EMP2: variants seen among roughly 807,000 people sequenced by gnomAD.
EMP2 encodes epithelial membrane protein 2.
EMP2 carries 19 observed loss-of-function variants against 13.7 expected under a neutral mutation model. The observed-to-expected ratio is 1.38, with a 90% CI of 0.97 to 2.03. The LOEUF (loss-of-function observed/expected upper bound fraction) is 2.03, where lower values mean the gene tolerates loss of function less well. Among genes scored for constraint, EMP2 ranks in the 30% most tolerant of loss-of-function variants. The pLI is 0.00. For synonymous variants in EMP2, 97 were observed against 84.7 expected, an observed-to-expected ratio of 1.15 and a Z score of -0.80; for missense variants, 253 against 220.7, an observed-to-expected ratio of 1.15 and a Z score of -0.93.
At position 10,538,216 on chromosome 16, in the gene EMP2, G is replaced by A. The variant is rs936900670; in HGVS notation, c.170-142C>T. 4.0e-6 allele frequency: 4 copies of A among 1,002,714 alleles called. No homozygotes were observed. The African/African-American group carries it at 4.8e-5, about 12-fold the overall frequency. The allele number at this position is 1,002,714 out of a possible 1,614,324, so 62.1% of individuals were successfully genotyped here. ...TCAGGCGGTCGTCTACATGGTCTGAGCACAAGGGCAGCCAAGGCGTCTTCC... is the reference window on the plus strand; with the variant it reads ...TCAGGCGGTCGTCTACATGGTCTGAACACAAGGGCAGCCAAGGCGTCTTCC... On this transcript the variant is annotated intron_variant, in intron 3 of 4. Transcript: ENST00000359543.
chr16:10,572,035 T>A (rs1488703144), intron 1 of EMP2, among the ~76,000 whole-genome samples: 1 of 152,228 alleles, frequency 6.6e-6, no homozygotes, highest in Non-Finnish European at 1.5e-5. Flanking sequence ...GGCCACATTT[T>A]ACTCAAAACA....
intron 1 of EMP2, among the ~76,000 whole-genome samples, chr16:10,573,667 A>T (rs2050962931): frequency 6.6e-6 from 1 of 152,214 alleles, no homozygotes; most frequent in South Asian, 2.1e-4. Flanking sequence ...TTGGTTACAG[A>T]TAAGGCTTGA....
chr16:10,578,938 C>A (rs2142218142), intron 1 of EMP2, among the ~76,000 whole-genome samples: 1 of 152,384 alleles, frequency 6.6e-6, no homozygotes, highest in African/African-American at 2.4e-5. Context: ...TCATTCCCTG[C>A]AAACCAGCAG....
chr16:10,568,055 A>C (rs2050921060), intron 1 of EMP2, among the ~76,000 whole-genome samples: 1 of 152,224 alleles, frequency 6.6e-6, no homozygotes, highest in African/African-American at 2.4e-5. Context: ...AGGAAGACAG[A>C]CACAGAAAAC....
At chr16:10,579,711 C>CACACACACACACAA (rs1555461495) in intron 1 of EMP2, among the ~76,000 whole-genome samples, 148 of 34,168 alleles carry the variant, frequency 4.3e-3, no homozygotes, top group African/African-American at 7.3e-3. Context: ...TCAAGGTGCA[C>CACACACACACACAA]ACACACACAC....
In EMP2 at chr16:10,547,552, G is replaced by A. The variant is rs944326634; in HGVS notation, c.66C>T (p.Ala22=). The change falls in exon 2 of 5, where the codon GCC becomes GCT. Residue 22 remains alanine (A), a synonymous_variant. Coordinates refer to ENST00000359543, the MANE Select transcript of EMP2 (RefSeq NM_001424.6). ...HITSAALLFI[A]TVDNAWWVGD... ...AAAGGAAACTTACATTGTCGACGGT[G>A]GCAATGAACAGCAAGGCTGCAGAGG... 1 of 1,613,968 alleles carries A rather than the reference G, an allele frequency of 6.2e-7. No homozygotes were observed. Among genetic ancestry groups the A allele is most frequent in the East Asian group, 2.2e-5 (1 of 44,890 alleles).
At chr16:10,564,392 G>A (rs2050892995) in intron 1 of EMP2, among the ~76,000 whole-genome samples, 1 of 150,926 alleles carries the variant, frequency 6.6e-6, no homozygotes, top group South Asian at 2.1e-4. Flanking sequence ...TTGGGAGGCT[G>A]AGGCAGGAGA....
At chr16:10,556,015 C>G (rs773229305) in intron 1 of EMP2, among the ~76,000 whole-genome samples, 1 of 152,166 alleles carries the variant, frequency 6.6e-6, no homozygotes, top group African/African-American at 2.4e-5. Context: ...GGAAAAGTGT[C>G]TCTTTTTCAC....
intron 3 of EMP2, among the ~76,000 whole-genome samples, chr16:10,540,889 A>C (rs2050690614): frequency 6.6e-6 from 1 of 152,134 alleles, no homozygotes; most frequent in Admixed American, 6.6e-5. Context: ...GGAGTTCAAG[A>C]CCAGCATGGG....
At position 10,552,461 on chromosome 16, in the gene EMP2, G is replaced by C. The variant is rs76521341; in HGVS notation, c.-60-4784C>G. Among the ~76,000 whole-genome samples the C allele has an allele frequency of 1.2e-3, 183 of 152,298 alleles. 2 individuals carry two copies. The highest frequency in any genetic ancestry group is 4.1e-3 in the African/African-American group (169 of 41,556). ...CAACATTGAACCACATGGTGAAAAAGTTCCCATTCCAATCCTACTGAGTTC... is the reference window on the plus strand; with the variant it reads ...CAACATTGAACCACATGGTGAAAAACTTCCCATTCCAATCCTACTGAGTTC... On this transcript the variant is annotated intron_variant, in intron 1 of 4. Transcript: ENST00000359543.
rs1202221606 is a variant in EMP2, at chr16:10,532,292, C to A, written c.*613G>T. 1 of 154,004 alleles carries A rather than the reference C, an allele frequency of 6.5e-6. No individual in the cohort carries two copies. Among genetic ancestry groups the A allele is most frequent in the East Asian group, 1.9e-4 (1 of 5,196 alleles). The allele number at this position is 154,004 out of a possible 1,614,324, so 9.5% of individuals were successfully genotyped here. On this transcript the variant is annotated 3_prime_UTR_variant, in exon 5 of 5. Coordinates refer to ENST00000359543, the MANE Select transcript of EMP2 (RefSeq NM_001424.6). ...CCATTCCTAAGGCAAGCAGGTGACA[C>A]TGTCGGCAAATTGAGGTGAGACTTT... is the stretch of plus-strand genomic sequence containing the variant.
intron 4 of EMP2, among the ~76,000 whole-genome samples, chr16:10,537,174 T>C (rs919348918): frequency 1.6e-4 from 25 of 152,210 alleles, no homozygotes; most frequent in African/African-American, 6.0e-4. Flanking sequence ...TTCTGTATTT[T>C]GTCATCAGAA....
At chr16:10,557,290 G>A (rs2050837088) in intron 1 of EMP2, among the ~76,000 whole-genome samples, 1 of 150,880 alleles carries the variant, frequency 6.6e-6, no homozygotes, top group Admixed American at 6.6e-5. Flanking sequence ...CCGGTAGGTG[G>A]AGGTTGCATT....
At position 10,529,931 on chromosome 16, in the gene EMP2, C is replaced by CA. The variant is rs58318805; in HGVS notation, c.*2973dup. On this transcript the variant is annotated 3_prime_UTR_variant, in exon 5 of 5. Transcript: ENST00000359543. ...GGGCAACAAGAGCAAAACTCAGTCT[C>CA]AAAAAAAAAAAAAAAAAAGAAAAAG... The CA allele has an allele frequency of 0.38, 28,786 of 74,958 alleles. 4,252 individuals carry two copies. Among genetic ancestry groups the CA allele is most frequent in the South Asian group, 0.52 (1,230 of 2,356 alleles). The allele number at this position is 74,958 out of a possible 1,614,324, so 4.6% of individuals were successfully genotyped here. A position where few individuals can be genotyped will look rare whatever the true frequency, so the allele number is the denominator to read the frequency against.
At position 10,547,588 on chromosome 16, in the gene EMP2, G is replaced by A. The variant is rs143053622; in HGVS notation, c.30C>T (p.Ala10=). 8.7e-6 allele frequency: 14 copies of A among 1,614,082 alleles called. No homozygotes were observed. In the African/African-American group the frequency reaches 1.7e-4, roughly 20 times the overall value. ...GCAAGGCTGCAGAGGTGATGTGGAAGGCGATGATGAAAGCAAGAAGCACCA... is the reference window on the plus strand; with the variant it reads ...GCAAGGCTGCAGAGGTGATGTGGAAAGCGATGATGAAAGCAAGAAGCACCA... MLVLLAFII[A]FHITSAALLF... Residue 10 remains alanine, a synonymous_variant, in exon 2 of 5, where the codon GCC becomes GCT. Coordinates refer to ENST00000359543, the MANE Select transcript of EMP2 (RefSeq NM_001424.6).
chr16:10,540,548 C>T (rs925360749), intron 3 of EMP2, among the ~76,000 whole-genome samples: 1 of 107,314 alleles, frequency 9.3e-6, no homozygotes, highest in Admixed American at 9.6e-5. Context: ...ATAGATTTCT[C>T]TAAGGACCTC....
intron 1 of EMP2, among the ~76,000 whole-genome samples, chr16:10,572,013 T>A (rs1200166490): frequency 1.3e-5 from 2 of 152,200 alleles, no homozygotes; most frequent in Non-Finnish European, 2.9e-5. Flanking sequence ...GAGAGAGGAC[T>A]CAAGGCTCCC....
Position 10,547,622 on chromosome 16 carries a change from A to G in EMP2, c.-5T>C. Reference sequence around the variant, plus strand: ...GAAAGCAAGAAGCACCAACATTTTCACAGGGCAGGGCGAGTCGAGGCGAGG... The same window carrying G: ...GAAAGCAAGAAGCACCAACATTTTCGCAGGGCAGGGCGAGTCGAGGCGAGG... On this transcript the variant is annotated 5_prime_UTR_variant, in exon 2 of 5. Transcript: ENST00000359543. The G allele has an allele frequency of 6.2e-7, 1 of 1,614,042 alleles. No individual in the cohort carries two copies. The highest frequency in any genetic ancestry group is 8.5e-7 in the Non-Finnish European group (1 of 1,179,914).
intron 4 of EMP2, among the ~76,000 whole-genome samples, chr16:10,536,535 T>A (rs867022935): frequency 6.6e-6 from 1 of 152,182 alleles, no homozygotes; most frequent in African/African-American, 2.4e-5. Context: ...TAAGCCCTTT[T>A]GTTCTTCCTT....
Sources: gnomAD v4.1 joint callset for allele counts (sites outside exome capture counted in the v4.1 genomes callset) on GRCh38, gnomAD v4.1.1 for gene constraint, MANE v1.5 for transcripts, NCBI Gene and HGNC (gene_info 2026-07-23, HGNC 2026-07-21) for gene names.